Variants in RNLS observed in about 807,000 individuals in gnomAD.
The protein encoded by RNLS is renalase.
In RNLS, 39 loss-of-function variants were observed where a neutral mutation model predicts 39.8. That is an observed-to-expected ratio of 0.98 (90% CI 0.76 to 1.28). RNLS has a LOEUF of 1.28. Among genes scored for constraint, RNLS ranks in the 50% most tolerant of loss-of-function variants. RNLS has a pLI of 0.00. For missense variants in RNLS, 410 were observed against 413.3 expected, an observed-to-expected ratio of 0.99 and a Z score of 0.07; for synonymous variants, 147 against 150.7, an observed-to-expected ratio of 0.98 and a Z score of 0.18.
At chr10:88,200,913 T>G in the RNLS span, among the ~76,000 whole-genome samples, 1 of 152,140 alleles carries the variant, frequency 6.6e-6, no homozygotes, top group African/African-American at 2.4e-5. Flanking sequence ...CTCTTAGGCT[T>G]CCAGTGCCAC....
At chr10:88,327,706 G>A (rs1003428748) in intron 5 of RNLS, among the ~76,000 whole-genome samples, 1 of 152,172 alleles carries the variant, frequency 6.6e-6, no homozygotes, top group Non-Finnish European at 1.5e-5. Context: ...ATGTGTACTT[G>A]AATAGAATTT....
rs34411833 is a variant in RNLS at position 88,504,844 on chromosome 10, AGTGTGTGTGTGT to A, written c.526+68047_526+68058del. On this transcript the variant is annotated intron_variant, in intron 4 of 6. Coordinates refer to ENST00000331772, the MANE Select transcript of RNLS (RefSeq NM_001031709.3). Reference sequence around the variant, plus strand: ...GAGCAAATTAGAGAGAGAGAGACAGAGTGTGTGTGTGTGTGTGTGTGTGTGTGTGTGTGTGTA... The same window carrying A: ...GAGCAAATTAGAGAGAGAGAGACAGAGTGTGTGTGTGTGTGTGTGTGTGTA... Among the ~76,000 whole-genome samples the A allele has an allele frequency of 9.8e-4, 134 of 136,248 alleles. 1 individual carries two copies. Among genetic ancestry groups the A allele is most frequent in the African/African-American group, 3.5e-3 (129 of 36,804 alleles). The allele number at this position is 136,248 out of a possible 152,430, so 89.4% of individuals were successfully genotyped here. A position where few individuals can be genotyped will look rare whatever the true frequency, so the allele number is the denominator to read the frequency against.
intron 4 of RNLS, among the ~76,000 whole-genome samples, chr10:88,417,688 GC>G (rs1854120550): frequency 6.6e-6 from 1 of 152,182 alleles, no homozygotes; most frequent in South Asian, 2.1e-4. Flanking sequence ...TTATGACAAT[GC>G]CAAGGACTTT....
At chr10:88,320,391 G>A (rs577157555) in intron 5 of RNLS, among the ~76,000 whole-genome samples, 18 of 151,372 alleles carry the variant, frequency 1.2e-4, no homozygotes, top group Admixed American at 1.1e-3. Flanking sequence ...ACACAATTGA[G>A]AATACAAAGT....
In RNLS at chr10:88,275,079, A is replaced by G. The variant is rs369468430; in HGVS notation, c.877-47T>C. ...TTCAACCCCAGTGCCACCCAACACAATGGCCTCTGACACCTTGTCTACACT... is the reference window on the plus strand; with the variant it reads ...TTCAACCCCAGTGCCACCCAACACAGTGGCCTCTGACACCTTGTCTACACT... On this transcript the variant is annotated intron_variant, in intron 6 of 6. Coordinates refer to the RNLS transcript ENST00000371947. The G allele has an allele frequency of 3.7e-5, 50 of 1,363,628 alleles. 1 individual carries two copies. Among genetic ancestry groups the G allele is most frequent in the Middle Eastern group, 3.6e-4 (2 of 5,594 alleles). The allele number at this position is 1,363,628 out of a possible 1,614,324, so 84.5% of individuals were successfully genotyped here. A position where few individuals can be genotyped will look rare whatever the true frequency, so the allele number is the denominator to read the frequency against.
At chr10:88,412,349 A>T (rs1449388568) in intron 4 of RNLS, among the ~76,000 whole-genome samples, 3 of 152,134 alleles carry the variant, frequency 2.0e-5, no homozygotes, top group Non-Finnish European at 4.4e-5. Context: ...TTGAATGAAG[A>T]TACAAGCACC....
the RNLS span, among the ~76,000 whole-genome samples, chr10:88,175,505 G>A: frequency 1.3e-5 from 2 of 152,030 alleles, no homozygotes; most frequent in East Asian, 3.8e-4. Context: ...TGACTCATTG[G>A]TTATTCAGGA....
At chr10:88,463,691 C>G (rs1430441302) in intron 4 of RNLS, among the ~76,000 whole-genome samples, 1 of 152,008 alleles carries the variant, frequency 6.6e-6, no homozygotes, top group Non-Finnish European at 1.5e-5. Context: ...TATGTAGTAA[C>G]TCAGGGCATT....
At chr10:88,394,448 C>T (rs1852419370) in intron 4 of RNLS, among the ~76,000 whole-genome samples, 1 of 152,200 alleles carries the variant, frequency 6.6e-6, no homozygotes, top group Non-Finnish European at 1.5e-5. Context: ...AAAAAATGCT[C>T]ATCATCACTG....
At chr10:88,299,689 A>C (rs1342527586) in intron 6 of RNLS, among the ~76,000 whole-genome samples, 1 of 152,218 alleles carries the variant, frequency 6.6e-6, no homozygotes, top group Non-Finnish European at 1.5e-5. Context: ...TTCATCTAGC[A>C]GTTTTAGAAT....
intron 4 of RNLS, among the ~76,000 whole-genome samples, chr10:88,560,707 A>G (rs12779473): frequency 6.6e-6 from 1 of 151,988 alleles, no homozygotes; most frequent in Non-Finnish European, 1.5e-5. Flanking sequence ...ACTAGGGCAA[A>G]GCTCTGCTGG....
intron 4 of RNLS, among the ~76,000 whole-genome samples, chr10:88,455,169 C>T (rs1042646407): frequency 6.6e-6 from 1 of 152,026 alleles, no homozygotes; most frequent in African/African-American, 2.4e-5. Context: ...GTGGGCAATT[C>T]AGCCAGCCTT....
At chr10:88,471,678 C>G (rs759186682) in intron 4 of RNLS, among the ~76,000 whole-genome samples, 1 of 152,020 alleles carries the variant, frequency 6.6e-6, no homozygotes, top group African/African-American at 2.4e-5. Context: ...AGTGAAAGGA[C>G]GCAGATTAAA....
intron 5 of RNLS, among the ~76,000 whole-genome samples, chr10:88,345,527 A>G (rs1193695540): frequency 5.3e-5 from 8 of 152,156 alleles, no homozygotes; most frequent in Admixed American, 5.2e-4. Flanking sequence ...AACCTGCACT[A>G]TTAGTGTGTC....
At chr10:88,407,242 T>C (rs1217796754) in intron 4 of RNLS, among the ~76,000 whole-genome samples, 2 of 152,042 alleles carry the variant, frequency 1.3e-5, no homozygotes, top group Non-Finnish European at 2.9e-5. Flanking sequence ...CGTGTGCATG[T>C]GGAATACGCC....
At chr10:88,462,827 G>GAA (rs35653600) in intron 4 of RNLS, among the ~76,000 whole-genome samples, 30 of 149,742 alleles carry the variant, frequency 2.0e-4, no homozygotes, top group African/African-American at 5.8e-4. Context: ...TCCTGCTAAG[G>GAA]AAAAAAAAAT....
At chr10:88,492,663 C>A (rs1239766721) in intron 4 of RNLS, among the ~76,000 whole-genome samples, 2 of 152,092 alleles carry the variant, frequency 1.3e-5, no homozygotes, top group Admixed American at 1.3e-4. Context: ...AAGTAATCCA[C>A]CCACCTTGGC....
intron 4 of RNLS, among the ~76,000 whole-genome samples, chr10:88,500,137 A>G (rs1309366947): frequency 6.6e-6 from 1 of 152,106 alleles, no homozygotes; most frequent in Non-Finnish European, 1.5e-5. Flanking sequence ...CAATGCACCA[A>G]ACGGAAGTTC....
At chr10:88,514,788 A>T (rs1011965936) in intron 4 of RNLS, among the ~76,000 whole-genome samples, 1 of 152,072 alleles carries the variant, frequency 6.6e-6, no homozygotes, top group African/African-American at 2.4e-5. Context: ...GCCTGTATAG[A>T]CCACATTTTC....
Sources: gnomAD v4.1 joint callset for allele counts (sites outside exome capture counted in the v4.1 genomes callset) on GRCh38, gnomAD v4.1.1 for gene constraint, MANE v1.5 for transcripts, NCBI Gene and HGNC (gene_info 2026-07-23, HGNC 2026-07-21) for gene names.